DIP2C: variants seen among roughly 807,000 people sequenced by gnomAD.
DIP2C encodes the protein DIP2 acetate--CoA ligase C (putative).
A neutral mutation model predicts 192.4 loss-of-function variants in DIP2C; 33 were observed. The ratio of observed to expected loss-of-function variants is 0.17; its 90% CI spans 0.13 to 0.23. The LOEUF (loss-of-function observed/expected upper bound fraction) is 0.23, where lower values mean the gene tolerates loss of function less well. DIP2C is among the 10% of genes least tolerant of loss of function. DIP2C has a pLI of 1.00. For synonymous variants in DIP2C, 979 were observed against 864.1 expected (o/e 1.13, Z -2.33); for missense variants, 1,537 against 2,110.1 (o/e 0.73, Z 5.32).
chr10:310,184 A>T (rs1261984803), intron 31 of DIP2C, 92 bp from the exon 32 acceptor site: 1 of 1,236,298 alleles, frequency 8.1e-7, no homozygotes, highest in African/African-American at 1.5e-5. Flanking sequence ...TCTTTTGTAA[A>T]ATCTTAAAGT....
At chr10:551,930 C>A (rs546536756) in intron 1 of DIP2C, among the ~76,000 whole-genome samples, 10 of 152,330 alleles carry the variant, frequency 6.6e-5, no homozygotes, top group African/African-American at 2.4e-4. Context: ...CCAGGACACC[C>A]CTGCCAGCAT....
At chr10:330,543 A>C (rs1418619025) in intron 29 of DIP2C, among the ~76,000 whole-genome samples, 1 of 152,054 alleles carries the variant, frequency 6.6e-6, no homozygotes, top group East Asian at 1.9e-4. Flanking sequence ...CCCAGGCTAG[A>C]GTAGGGTGGT....
At chr10:495,827 C>A (rs1465816994) in intron 1 of DIP2C, among the ~76,000 whole-genome samples, 1 of 151,854 alleles carries the variant, frequency 6.6e-6, no homozygotes, top group Non-Finnish European at 1.5e-5. Context: ...ACTCTCAATA[C>A]CCCAAAGAAC....
At chr10:582,590 A>G (rs2131595816) in intron 1 of DIP2C, among the ~76,000 whole-genome samples, 1 of 151,612 alleles carries the variant, frequency 6.6e-6, no homozygotes, top group East Asian at 1.9e-4. Context: ...CTCAGAAAAT[A>G]TAAATAAACT....
At chr10:605,353 A>G (rs1227062288) in intron 1 of DIP2C, among the ~76,000 whole-genome samples, 1 of 152,218 alleles carries the variant, frequency 6.6e-6, no homozygotes. Context: ...CAGATTCACT[A>G]CAGGTTCCAG....
At chr10:614,830 CCA>C (rs1412366742) in intron 1 of DIP2C, among the ~76,000 whole-genome samples, 1 of 152,252 alleles carries the variant, frequency 6.6e-6, no homozygotes, top group Non-Finnish European at 1.5e-5. Flanking sequence ...TCTGCATTCT[CCA>C]CACTGATCCA....
chr10:672,860 T>C (rs928860129), intron 1 of DIP2C, among the ~76,000 whole-genome samples: 3 of 152,186 alleles, frequency 2.0e-5, no homozygotes, highest in African/African-American at 7.2e-5. Context: ...ACAGAAAAGC[T>C]AACTCGGAGG....
intron 1 of DIP2C, among the ~76,000 whole-genome samples, chr10:559,552 G>C (rs1314907894): frequency 6.6e-6 from 1 of 152,204 alleles, no homozygotes; most frequent in Admixed American, 6.5e-5. Context: ...GCACCTCAGA[G>C]CAGATGCAAC....
chr10:517,185 T>TTC (rs1240698707), intron 1 of DIP2C, among the ~76,000 whole-genome samples: 5 of 152,086 alleles, frequency 3.3e-5, no homozygotes, highest in Non-Finnish European at 7.4e-5. Context: ...GCCAAGCCCC[T>TTC]TCTCCTTTTC....
At chr10:503,684 C>G (rs568563461) in intron 1 of DIP2C, among the ~76,000 whole-genome samples, 1 of 152,330 alleles carries the variant, frequency 6.6e-6, no homozygotes, top group East Asian at 1.9e-4. Context: ...TCCTTCGGCT[C>G]TTACCCCTCT....
rs577783430 is a variant in DIP2C at position 480,966 on chromosome 10, C to T, written c.157+5493G>A. ...GATTTAAGTTTAAAACACCCTTACC[C>T]TGTGAGCTGCCACATGGCCTGAGAC... is the stretch of plus-strand genomic sequence containing the variant. On this transcript the variant is annotated intron_variant, in intron 2 of 36. Coordinates refer to ENST00000280886, the MANE Select transcript of DIP2C (RefSeq NM_014974.3). Among the ~76,000 whole-genome samples, 6 of 152,360 alleles carry T rather than the reference C, an allele frequency of 3.9e-5. No individual in the cohort carries two copies. The East Asian group carries it at 1.2e-3, about 29-fold the overall frequency.
intron 3 of DIP2C, among the ~76,000 whole-genome samples, chr10:453,215 T>TC (rs1968994272): frequency 6.6e-6 from 1 of 152,180 alleles, no homozygotes; most frequent in African/African-American, 2.4e-5. Context: ...TGATCAAGCG[T>TC]CCTCCAAAGC....
chr10:373,552 C>G (rs1373267376), intron 17 of DIP2C, among the ~76,000 whole-genome samples: 1 of 152,100 alleles, frequency 6.6e-6, no homozygotes, highest in Non-Finnish European at 1.5e-5. Context: ...GTCTGGGGTC[C>G]ACGGTCTAAA....
At chr10:326,934 G>C (rs1957297322) in intron 31 of DIP2C, 72 bp downstream of exon 31, 1 of 1,520,776 alleles carries the variant, frequency 6.6e-7, no homozygotes, top group Non-Finnish European at 8.8e-7. Context: ...GAGACGAGTG[G>C]AGCCAGTCTG....
At chr10:392,079 G>A (rs1963507283) in intron 10 of DIP2C, among the ~76,000 whole-genome samples, 1 of 152,156 alleles carries the variant, frequency 6.6e-6, no homozygotes, top group Non-Finnish European at 1.5e-5. Context: ...CCCACTTCGG[G>A]GACATCTTGT....
At chr10:394,975 T>G (rs1166973470) in intron 10 of DIP2C, among the ~76,000 whole-genome samples, 2 of 152,026 alleles carry the variant, frequency 1.3e-5, no homozygotes, top group Non-Finnish European at 2.9e-5. Flanking sequence ...GAGGGAAGCC[T>G]GCCGTATGCT....
intron 1 of DIP2C, among the ~76,000 whole-genome samples, chr10:582,610 CAG>C (rs1385855953): frequency 2.0e-5 from 3 of 152,240 alleles, no homozygotes; most frequent in East Asian, 3.9e-4. Flanking sequence ...TAAAAACCAA[CAG>C]AAACTGGATG....
At chr10:293,838 C>G (rs1955609746) in intron 32 of DIP2C, among the ~76,000 whole-genome samples, 1 of 152,038 alleles carries the variant, frequency 6.6e-6, no homozygotes, top group Non-Finnish European at 1.5e-5. Flanking sequence ...GGACTCAAGC[C>G]CTAACAAAAG....
At position 547,362 on chromosome 10, in the gene DIP2C, AGTGT is replaced by A. The variant is rs138298742; in HGVS notation, c.86-60836_86-60833del. 1.2e-3 allele frequency among the ~76,000 whole-genome samples: 188 copies of A among 152,322 alleles called. 5 individuals are homozygous for A. The East Asian group carries it at 0.034, about 27-fold the overall frequency. On this transcript the variant is annotated intron_variant, in intron 1 of 36. Coordinates refer to ENST00000280886, the MANE Select transcript of DIP2C (RefSeq NM_014974.3). ...AGCACTTCTGCTTATGTGCCAGCCA[AGTGT>A]GTGTAACAGGGCCACAGCCAGCTGT...
Sources: gnomAD v4.1 joint callset for allele counts (sites outside exome capture counted in the v4.1 genomes callset) on GRCh38, gnomAD v4.1.1 for gene constraint, MANE v1.5 for transcripts, NCBI Gene and HGNC (gene_info 2026-07-23, HGNC 2026-07-21) for gene names.